The following GLI2 variants were observed in gnomAD, a reference collection of about 807,000 sequenced individuals.
GLI2 encodes the protein transcription activator GLI2.
Under a neutral mutation model 78.9 loss-of-function variants are expected in GLI2, and 22 were observed. The observed-to-expected ratio is 0.28, with a 90% CI of 0.20 to 0.40. The LOEUF is 0.40. GLI2 is among the 10% of genes least tolerant of loss of function. The probability of loss-of-function intolerance (pLI) is 1.00; values close to 1 mark genes in which losing one functional copy is unlikely to be tolerated. For synonymous variants in GLI2, 974 were observed against 963.7 expected, an observed-to-expected ratio of 1.01 and a Z score of -0.20; for missense variants, 2,097 against 2,213.2, an observed-to-expected ratio of 0.95 and a Z score of 1.05.
intron 2 of GLI2, among the ~76,000 whole-genome samples, chr2:120,881,966 TGGTCCA>T (rs1348231497): frequency 5.3e-5 from 8 of 152,000 alleles, no homozygotes; most frequent in Non-Finnish European, 8.8e-5. Context: ...TGGCAACGAA[TGGTCCA>T]GGTCTTTTGG....
intron 2 of GLI2, among the ~76,000 whole-genome samples, chr2:120,856,227 G>T (rs1176909259): frequency 6.6e-6 from 1 of 152,198 alleles, no homozygotes; most frequent in East Asian, 1.9e-4. Context: ...CTTCTCTCAT[G>T]ATGCCAGCCA....
In GLI2 at chr2:120,972,597, C is replaced by T. The variant is rs1573706946; in HGVS notation, c.1182+534C>T. On this transcript the variant is annotated intron_variant, in intron 8 of 13. Coordinates refer to ENST00000361492, the MANE Select transcript of GLI2 (RefSeq NM_001374353.1). ...GCTGTGTGCACACCTGTCTCCCTGT[C>T]TGCACTCTAAGCTTTGGAGAGGTGG... is the stretch of plus-strand genomic sequence containing the variant. 3 of 516,474 alleles carry T rather than the reference C, an allele frequency of 5.8e-6. No homozygotes were observed. In the East Asian group the frequency reaches 1.6e-4, roughly 28 times the overall value. 32.0% of individuals were successfully genotyped at this position (516,474 alleles called of 1,614,324 possible).
At chr2:120,771,953 C>T (rs1683534453) in intron 1 of GLI2, among the ~76,000 whole-genome samples, 1 of 152,204 alleles carries the variant, frequency 6.6e-6, no homozygotes, top group Non-Finnish European at 1.5e-5. Flanking sequence ...CCTGACTGGC[C>T]TCCCTGCTGT....
Position 120,883,342 on chromosome 2 carries a change from C to G in GLI2, c.149-44019C>G, listed in dbSNP as rs562844182. ...CTCTATTTTAAAAAAGAAAAATTAG[C>G]CGAGCATGGTGGCACGTGCCTACAG... On this transcript the variant is annotated intron_variant, in intron 2 of 13. Coordinates refer to ENST00000361492, the MANE Select transcript of GLI2 (RefSeq NM_001374353.1). Among the ~76,000 whole-genome samples, 23 of 152,176 alleles carry G rather than the reference C, an allele frequency of 1.5e-4. 1 individual carries two copies. The East Asian group carries it at 4.5e-3, about 29-fold the overall frequency.
intron 2 of GLI2, among the ~76,000 whole-genome samples, chr2:120,911,390 C>G (rs1678810749): frequency 6.6e-6 from 1 of 152,202 alleles, no homozygotes; most frequent in African/African-American, 2.4e-5. Flanking sequence ...GAAGGAAGCC[C>G]TGTGCACTGG....
chr2:120,931,897 G>C (rs993749848), intron 3 of GLI2, among the ~76,000 whole-genome samples: 3 of 152,128 alleles, frequency 2.0e-5, no homozygotes, highest in African/African-American at 7.2e-5. Flanking sequence ...AGAGCCCCCC[G>C]TCCCTACGCG....
intron 2 of GLI2, among the ~76,000 whole-genome samples, chr2:120,859,994 T>A (rs555577352): frequency 2.0e-5 from 3 of 152,306 alleles, no homozygotes; most frequent in African/African-American, 7.2e-5. Context: ...ACAGACTTTC[T>A]AGAACATGTG....
At chr2:120,790,756 G>A (rs1417217015) in intron 1 of GLI2, among the ~76,000 whole-genome samples, 2 of 152,144 alleles carry the variant, frequency 1.3e-5, no homozygotes, top group Non-Finnish European at 2.9e-5. Flanking sequence ...GCCATGGCAG[G>A]CTTCGGTTTC....
intron 2 of GLI2, among the ~76,000 whole-genome samples, chr2:120,834,523 C>T (rs1405069717): frequency 2.0e-5 from 3 of 152,144 alleles, no homozygotes; most frequent in Admixed American, 6.5e-5. Flanking sequence ...CACAAAAAGG[C>T]TCACTCCTGG....
chr2:120,932,151 C>T (rs1244024029), intron 3 of GLI2, among the ~76,000 whole-genome samples: 1 of 152,218 alleles, frequency 6.6e-6, no homozygotes, highest in East Asian at 1.9e-4. Context: ...AATCCCGATC[C>T]ATCAAGCCCA....
Position 120,988,964 on chromosome 2 carries a change from G to C in GLI2, c.2999G>C (p.Gly1000Ala). ...LRLQSHPSTD[G>A]GLARGAYSPR... ...CTGCAGAGCCACCCGAGCACCGACG[G>C]CGGCCTGGCCCGCGGCGCCTACTCG... The change falls in exon 14 of 14, where the codon GGC becomes GCC. Residue 1000 changes from glycine to alanine, a missense_variant. By Grantham distance (60) the Gly-to-Ala change is moderately conservative. Around this residue, in one of 5 missense-constraint regions of GLI2, gnomAD observed 1,290 missense variants for 1,261.7 expected, o/e 1.02. Transcript: ENST00000361492. 1 of 1,548,898 alleles carries C rather than the reference G, an allele frequency of 6.5e-7. No individual in the cohort carries two copies.
At chr2:120,985,790 G>A (rs1682944237) in intron 12 of GLI2, among the ~76,000 whole-genome samples, 1 of 152,146 alleles carries the variant, frequency 6.6e-6, no homozygotes, top group Admixed American at 6.5e-5. Context: ...ACTGTTTTGG[G>A]GTGGCCCTTT....
At chr2:120,907,053 T>C (rs994814622) in intron 2 of GLI2, among the ~76,000 whole-genome samples, 1 of 152,032 alleles carries the variant, frequency 6.6e-6, no homozygotes, top group Non-Finnish European at 1.5e-5. Context: ...GCATAAACCT[T>C]CCTAATGTCT....
intron 2 of GLI2, among the ~76,000 whole-genome samples, chr2:120,828,577 A>C (rs577817728): frequency 6.0e-4 from 91 of 152,252 alleles, no homozygotes; most frequent in African/African-American, 2.0e-3. Context: ...GAAGCTATTA[A>C]ACCTTCACCC....
intron 1 of GLI2, among the ~76,000 whole-genome samples, chr2:120,784,932 T>C (rs1457675281): frequency 1.3e-5 from 2 of 152,296 alleles, no homozygotes; most frequent in Admixed American, 1.3e-4. Context: ...GGGGCGGTAG[T>C]ACTGTGTTTC....
At chr2:120,806,421 C>T (rs1000985164) in intron 2 of GLI2, among the ~76,000 whole-genome samples, 3 of 152,028 alleles carry the variant, frequency 2.0e-5, no homozygotes, top group African/African-American at 7.2e-5. Flanking sequence ...CAGATGGTGA[C>T]GAATCCTGCC....
At chr2:120,906,859 A>T (rs1267787458) in intron 2 of GLI2, among the ~76,000 whole-genome samples, 1 of 152,038 alleles carries the variant, frequency 6.6e-6, no homozygotes, top group Non-Finnish European at 1.5e-5. Flanking sequence ...CTGGCCCTGC[A>T]TCCTGCATTG....
At chr2:120,762,281 G>A (rs143024304) in intron 1 of GLI2, among the ~76,000 whole-genome samples, 5 of 152,316 alleles carry the variant, frequency 3.3e-5, no homozygotes, top group East Asian at 1.9e-4. Context: ...CTTTGCCTGT[G>A]TTTCTCATTG....
At chr2:120,777,898 C>T (rs1010659699) in intron 1 of GLI2, among the ~76,000 whole-genome samples, 21 of 152,034 alleles carry the variant, frequency 1.4e-4, no homozygotes, top group African/African-American at 5.1e-4. Flanking sequence ...GGCTGGGGTG[C>T]AGAGCCCAGT....
Sources: allele counts gnomAD v4.1 joint callset (sites outside exome capture counted in the v4.1 genomes callset), GRCh38; gene constraint gnomAD v4.1.1; regional missense constraint gnomAD v4.1.1; transcripts MANE v1.5; gene names NCBI Gene and HGNC (gene_info 2026-07-23, HGNC 2026-07-21).